The following PARD3B variants were observed in gnomAD, a reference collection of about 807,000 sequenced individuals.
The protein encoded by PARD3B is partitioning defective 3 homolog B.
A neutral mutation model predicts 130.2 loss-of-function variants in PARD3B; 103 were observed. The observed-to-expected ratio is 0.79, with a 90% confidence interval of 0.67 to 0.93. PARD3B has a LOEUF of 0.93. Among genes scored for constraint, PARD3B ranks in the 40% least tolerant of loss-of-function variants. The pLI, the probability that PARD3B is intolerant of heterozygous loss-of-function variation, is 0.00. For synonymous variants in PARD3B, 583 were observed against 553.2 expected (o/e 1.05, Z -0.76); for missense variants, 1,609 against 1,499.2 (o/e 1.07, Z -1.21).
chr2:204,727,010 G>A (rs2039262295), intron 2 of PARD3B, among the ~76,000 whole-genome samples: 1 of 152,128 alleles, frequency 6.6e-6, no homozygotes, highest in Admixed American at 6.6e-5. Flanking sequence ...TCCCCGCCCT[G>A]CACGTTCTGC....
chr2:205,542,981 C>A (rs748433857), intron 21 of PARD3B, among the ~76,000 whole-genome samples: 24 of 152,286 alleles, frequency 1.6e-4, no homozygotes, highest in Non-Finnish European at 3.2e-4. Context: ...AGTATGTTTT[C>A]TCTGATTTAA....
chr2:204,691,856 A>C (rs114653678), intron 2 of PARD3B, among the ~76,000 whole-genome samples: 2,518 of 152,234 alleles, frequency 0.017, 51 homozygotes, highest in African/African-American at 0.057. Context: ...TTTTATAAGA[A>C]GATATTGAAT....
intron 19 of PARD3B, among the ~76,000 whole-genome samples, chr2:205,439,543 C>T (rs989757553): frequency 6.6e-6 from 1 of 152,170 alleles, no homozygotes; most frequent in Non-Finnish European, 1.5e-5. Flanking sequence ...GTCAAATTCT[C>T]AAAATTCAGA....
At position 204,664,088 on chromosome 2, in the gene PARD3B, G is replaced by A. The variant is rs2035928131; in HGVS notation, c.121-22093G>A. ...ATTTTTATTTGATTTATGACCTGAG[G>A]CTAATACTGTGGCTTGGATATGTTC... is the stretch of plus-strand genomic sequence containing the variant. On this transcript the variant is annotated intron_variant, in intron 1 of 22. Transcript: ENST00000406610. This position sits in a 1 kb window ranked among gnomAD's most constrained non-coding sequence, Gnocchi z 5.2. 6.6e-6 allele frequency among the ~76,000 whole-genome samples: 1 copy of A among 152,050 alleles called. No individual in the cohort carries two copies. Among genetic ancestry groups the A allele is most frequent in the East Asian group, 1.9e-4 (1 of 5,198 alleles).
In PARD3B at chr2:205,616,125, A is replaced by C; in HGVS notation, c.*312A>C. ...GAACACACAAACAACTAATTATGGA[A>C]CTCTACTCTGGGGATCCTCTCTGGC... On this transcript the variant is annotated 3_prime_UTR_variant, in exon 23 of 23. Coordinates refer to ENST00000406610, the MANE Select transcript of PARD3B (RefSeq NM_001302769.2). 3.2e-6 allele frequency: 1 copy of C among 312,636 alleles called. No individual in the cohort carries two copies. Among genetic ancestry groups the C allele is most frequent in the Non-Finnish European group, 5.9e-6 (1 of 169,928 alleles). 19.4% of individuals were successfully genotyped at this position (312,636 alleles called of 1,614,324 possible).
At chr2:205,367,274 C>A (rs892056054) in intron 18 of PARD3B, among the ~76,000 whole-genome samples, 14 of 152,142 alleles carry the variant, frequency 9.2e-5, no homozygotes, top group Non-Finnish European at 1.6e-4. Flanking sequence ...AGAAGAAATA[C>A]AATAATCCAT....
intron 18 of PARD3B, among the ~76,000 whole-genome samples, chr2:205,347,311 AAAAAAT>A (rs1304726772): frequency 3.9e-5 from 6 of 152,190 alleles, no homozygotes; most frequent in South Asian, 4.1e-4. Context: ...TGTCTTCTTT[AAAAAAT>A]AAAAATAAAA....
intron 16 of PARD3B, among the ~76,000 whole-genome samples, chr2:205,246,669 G>A (rs112979857): frequency 3.9e-5 from 6 of 152,254 alleles, no homozygotes; most frequent in African/African-American, 9.6e-5. Context: ...ATCACCAAGT[G>A]TCTCCCGTGT....
intron 2 of PARD3B, among the ~76,000 whole-genome samples, chr2:204,825,383 G>A (rs1422088760): frequency 6.6e-6 from 1 of 152,200 alleles, no homozygotes. Flanking sequence ...ATGTTGCACA[G>A]CTTGGAGCAG....
At chr2:205,521,550 T>TA (rs2051057094) in intron 21 of PARD3B, among the ~76,000 whole-genome samples, 2 of 116,006 alleles carry the variant, frequency 1.7e-5, no homozygotes, top group Non-Finnish European at 3.6e-5. Context: ...GATGATTATA[T>TA]GATTTTTTTT....
intron 1 of PARD3B, among the ~76,000 whole-genome samples, chr2:204,589,202 A>T (rs558429716): frequency 1.3e-5 from 2 of 152,328 alleles, no homozygotes; most frequent in East Asian, 3.9e-4. Context: ...ATCTGTGATT[A>T]GGTGGCAAAG....
intron 20 of PARD3B, among the ~76,000 whole-genome samples, chr2:205,482,175 A>C (rs1349679367): frequency 6.6e-6 from 1 of 152,176 alleles, no homozygotes; most frequent in East Asian, 1.9e-4. Context: ...AAGAGTGAAA[A>C]TATAGACAAG....
chr2:205,549,512 T>C (rs1432292745), intron 21 of PARD3B, among the ~76,000 whole-genome samples: 1 of 152,130 alleles, frequency 6.6e-6, no homozygotes, highest in African/African-American at 2.4e-5. Context: ...TAAATGCATA[T>C]GACCAAGTAA....
At chr2:205,046,905 C>T (rs1698825717) in intron 3 of PARD3B, among the ~76,000 whole-genome samples, 1 of 152,056 alleles carries the variant, frequency 6.6e-6, no homozygotes, top group South Asian at 2.1e-4. Context: ...TTTGAACTTT[C>T]TAATAGTATG....
At chr2:204,629,666 C>T (rs1004241845) in intron 1 of PARD3B, among the ~76,000 whole-genome samples, 5 of 151,944 alleles carry the variant, frequency 3.3e-5, no homozygotes, top group Admixed American at 1.3e-4. Context: ...CTGGGCCAGA[C>T]GTAGTGCTAA....
intron 2 of PARD3B, among the ~76,000 whole-genome samples, chr2:204,919,116 C>G (rs2047566051): frequency 6.6e-6 from 1 of 152,108 alleles, no homozygotes; most frequent in African/African-American, 2.4e-5. Flanking sequence ...GTATCTATTT[C>G]TCTGTTTCTG....
chr2:204,795,398 A>C (rs2042335248), intron 2 of PARD3B, among the ~76,000 whole-genome samples: 1 of 152,192 alleles, frequency 6.6e-6, no homozygotes, highest in African/African-American at 2.4e-5. Flanking sequence ...TGGTTTGCCA[A>C]GGGTGGACTT....
chr2:204,688,854 T>C (rs1039451432), intron 2 of PARD3B, among the ~76,000 whole-genome samples: 4 of 152,140 alleles, frequency 2.6e-5, no homozygotes, highest in Non-Finnish European at 5.9e-5. Context: ...GGCTACCTAA[T>C]AATCTTTGGC....
intron 18 of PARD3B, among the ~76,000 whole-genome samples, chr2:205,345,302 CT>C (rs1435284260): frequency 5.3e-5 from 8 of 152,266 alleles, no homozygotes. Flanking sequence ...TGGTAATAAA[CT>C]TGGGGGTACT....
Sources: allele counts gnomAD v4.1 joint callset (sites outside exome capture counted in the v4.1 genomes callset), GRCh38; gene constraint gnomAD v4.1.1; non-coding constraint Gnocchi (gnomAD v3.1); transcripts MANE v1.5; gene names NCBI Gene and HGNC (gene_info 2026-07-23, HGNC 2026-07-21).